Variants in FBXL7 observed in about 807,000 individuals in gnomAD.
FBXL7 encodes F-box/LRR-repeat protein 7.
FBXL7 carries 12 observed loss-of-function variants against 38.3 expected under a neutral mutation model. The ratio of observed to expected loss-of-function variants is 0.31; its 90% CI spans 0.20 to 0.51. FBXL7 has a LOEUF of 0.51. Among genes scored for constraint, FBXL7 ranks in the 20% least tolerant of loss-of-function variants. The pLI is 0.98. For missense variants in FBXL7, 567 were observed against 676.4 expected (o/e 0.84, Z 1.79); for synonymous variants, 297 against 300.9 (o/e 0.99, Z 0.13).
chr5:15,501,490 G>A (rs1210506880), intron 1 of FBXL7: 1 of 985,428 alleles, frequency 1.0e-6, no homozygotes, highest in Non-Finnish European at 1.2e-6. Flanking sequence ...ATACGCATAA[G>A]GCAAAGGCAT....
chr5:15,836,531 G>A (rs1738596938), intron 2 of FBXL7, among the ~76,000 whole-genome samples: 1 of 152,154 alleles, frequency 6.6e-6, no homozygotes, highest in Admixed American at 6.5e-5. Context: ...CATGAGGTGA[G>A]GGAGTGAGCC....
chr5:15,756,468 C>G (rs1235317947), intron 2 of FBXL7, among the ~76,000 whole-genome samples: 2 of 152,192 alleles, frequency 1.3e-5, no homozygotes, highest in Non-Finnish European at 2.9e-5. Context: ...TCTCCATTTT[C>G]ATAATCTATT....
intron 1 of FBXL7, among the ~76,000 whole-genome samples, chr5:15,536,839 A>G (rs1168835862): frequency 6.6e-6 from 1 of 151,806 alleles, no homozygotes; most frequent in Non-Finnish European, 1.5e-5. Context: ...GGAGGGGCCA[A>G]GGGCAGAGTG....
intron 2 of FBXL7, among the ~76,000 whole-genome samples, chr5:15,679,281 A>G (rs1439510873): frequency 6.6e-6 from 1 of 152,226 alleles, no homozygotes; most frequent in African/African-American, 2.4e-5. Context: ...AGACCAAAGA[A>G]AAACCTCATT....
At chr5:15,798,418 G>C (rs551758282) in intron 2 of FBXL7, among the ~76,000 whole-genome samples, 2 of 152,252 alleles carry the variant, frequency 1.3e-5, no homozygotes, top group East Asian at 3.9e-4. Flanking sequence ...GAATCTGATA[G>C]TTCTTCCACA....
chr5:15,611,586 C>A (rs970739291), intron 1 of FBXL7, among the ~76,000 whole-genome samples: 3 of 151,736 alleles, frequency 2.0e-5, no homozygotes, highest in African/African-American at 7.3e-5. Flanking sequence ...AAATTGTGAG[C>A]AGAGGCTCTC....
chr5:15,675,027 C>T (rs1742606406), intron 2 of FBXL7, among the ~76,000 whole-genome samples: 1 of 152,136 alleles, frequency 6.6e-6, no homozygotes, highest in South Asian at 2.1e-4. Flanking sequence ...CTTGAACTGC[C>T]ACAGGCGAGG....
chr5:15,766,716 A>G lies in FBXL7; in HGVS notation c.127+150644A>G, dbSNP rs77181000. 7.5e-3 allele frequency among the ~76,000 whole-genome samples: 1,142 copies of G among 152,336 alleles called. 13 individuals are homozygous for G. Among genetic ancestry groups the G allele is most frequent in the African/African-American group, 0.026 (1,082 of 41,574 alleles). The stretch of plus-strand genomic sequence containing the variant: ...TCCCAAATAGAAAGAGTAATTCATG[A>G]CTTTCCTATCTACTTATTTTGTCTC... On this transcript the variant is annotated intron_variant, in intron 2 of 3. Coordinates refer to ENST00000504595, the MANE Select transcript of FBXL7 (RefSeq NM_012304.5).
intron 1 of FBXL7, among the ~76,000 whole-genome samples, chr5:15,564,901 G>A (rs1345686835): frequency 6.6e-6 from 1 of 151,916 alleles, no homozygotes; most frequent in Admixed American, 6.6e-5. Flanking sequence ...CAGTTATGTG[G>A]TTTTTATTTT....
At chr5:15,851,049 C>T (rs1415926370) in intron 2 of FBXL7, among the ~76,000 whole-genome samples, 2 of 152,168 alleles carry the variant, frequency 1.3e-5, no homozygotes, top group African/African-American at 2.4e-5. Context: ...TTTGAAAACA[C>T]GACTCTGAGA....
At chr5:15,511,615 G>A (rs1254889325) in intron 1 of FBXL7, among the ~76,000 whole-genome samples, 4 of 152,184 alleles carry the variant, frequency 2.6e-5, no homozygotes, top group Admixed American at 6.5e-5. Flanking sequence ...CCTGGCCCAG[G>A]CTTCTCCATG....
At chr5:15,904,324 G>A (rs1483568264) in intron 2 of FBXL7, among the ~76,000 whole-genome samples, 4 of 152,106 alleles carry the variant, frequency 2.6e-5, no homozygotes, top group Non-Finnish European at 4.4e-5. Context: ...ACTCATAACC[G>A]TCATGTGAAT....
At chr5:15,518,870 T>G (rs1561012817) in intron 1 of FBXL7, among the ~76,000 whole-genome samples, 1 of 152,162 alleles carries the variant, frequency 6.6e-6, no homozygotes, top group Non-Finnish European at 1.5e-5. Flanking sequence ...TCCTTTGGCT[T>G]GCACATATTT....
intron 2 of FBXL7, among the ~76,000 whole-genome samples, chr5:15,719,547 T>C (rs889771606): frequency 8.1e-5 from 12 of 148,984 alleles, no homozygotes; most frequent in African/African-American, 2.9e-4. Context: ...TGAAGGACAA[T>C]TAGTTTTCTT....
intron 1 of FBXL7, among the ~76,000 whole-genome samples, chr5:15,512,066 A>G (rs1012833781): frequency 2.6e-5 from 4 of 152,222 alleles, no homozygotes; most frequent in African/African-American, 7.2e-5. Flanking sequence ...TGGGAAGATC[A>G]GAGAATCAGC....
chr5:15,583,578 C>T (rs963281498), intron 1 of FBXL7, among the ~76,000 whole-genome samples: 3 of 152,176 alleles, frequency 2.0e-5, no homozygotes, highest in South Asian at 4.1e-4. Flanking sequence ...GTCCAAAATC[C>T]AGCAGGGGAG....
Position 15,777,226 on chromosome 5 carries a change from C to T in FBXL7, c.128-150664C>T, listed in dbSNP as rs368017384. 1.9e-3 allele frequency among the ~76,000 whole-genome samples: 288 copies of T among 152,130 alleles called. 2 individuals carry two copies. The highest frequency in any genetic ancestry group is 6.3e-3 in the African/African-American group (263 of 41,534). Reference sequence around the variant, plus strand: ...TTAGTAGTGGAACTAGGGGCAAACCCCCACCTTGGACCTCTAGATCCAGCA... The same window carrying T: ...TTAGTAGTGGAACTAGGGGCAAACCTCCACCTTGGACCTCTAGATCCAGCA... On this transcript the variant is annotated intron_variant, in intron 2 of 3. Transcript: ENST00000504595.
chr5:15,802,656 CTTTT>C (rs796900921), intron 2 of FBXL7, among the ~76,000 whole-genome samples: 1 of 144,326 alleles, frequency 6.9e-6, no homozygotes, highest in Non-Finnish European at 1.5e-5. Context: ...CCACATCATC[CTTTT>C]TTTTTTTTTT....
intron 3 of FBXL7, chr5:15,935,084 G>A (rs555169487): frequency 1.9e-6 from 1 of 516,276 alleles, no homozygotes; most frequent in South Asian, 1.4e-5. Flanking sequence ...CATTTCCAGT[G>A]CTCAGAGGCT....
Sources: gnomAD v4.1 joint callset for allele counts (sites outside exome capture counted in the v4.1 genomes callset) on GRCh38, gnomAD v4.1.1 for gene constraint, MANE v1.5 for transcripts, NCBI Gene and HGNC (gene_info 2026-07-23, HGNC 2026-07-21) for gene names.